The following SOAT1 variants were observed in gnomAD, a reference collection of about 807,000 sequenced individuals.
The protein encoded by SOAT1 is sterol O-acyltransferase 1, also known as acyl-coenzyme A:cholesterol acyltransferase 1.
SOAT1 carries 55 observed loss-of-function variants against 69.5 expected under a neutral mutation model. The ratio of observed to expected loss-of-function variants is 0.79; its 90% confidence interval spans 0.64 to 0.99. The LOEUF (loss-of-function observed/expected upper bound fraction) is 0.99, where lower values mean the gene tolerates loss of function less well. SOAT1 is among the 50% of genes least tolerant of loss of function. The pLI is 0.00. For missense variants in SOAT1, 580 were observed against 669.3 expected (o/e 0.87, Z 1.47); for synonymous variants, 231 against 224.7 (o/e 1.03, Z -0.25).
intron 1 of SOAT1, among the ~76,000 whole-genome samples, chr1:179,299,279 G>T (rs926031130): frequency 6.6e-6 from 1 of 152,198 alleles, no homozygotes; most frequent in African/African-American, 2.4e-5. Flanking sequence ...TTTGGGACAA[G>T]TTAAATCACT....
intron 2 of SOAT1, among the ~76,000 whole-genome samples, chr1:179,323,045 C>CTTTTTTTTT (rs36045111): frequency 1.6e-5 from 2 of 126,738 alleles, no homozygotes; most frequent in African/African-American, 3.0e-5. Context: ...TCTTTTCTTT[C>CTTTTTTTTT]TTTTTTTTTT....
chr1:179,315,843 A>G (rs1221477009), intron 2 of SOAT1, among the ~76,000 whole-genome samples: 1 of 152,240 alleles, frequency 6.6e-6, no homozygotes, highest in Non-Finnish European at 1.5e-5. Context: ...CTCCTCTCCC[A>G]TGGTAGCTGA....
chr1:179,339,374 A>C, intron 5 of SOAT1, 64 bp from the exon 6 acceptor site: 2 of 1,136,630 alleles, frequency 1.8e-6, no homozygotes, highest in South Asian at 1.5e-5. Flanking sequence ...TTAAGAAAAG[A>C]TTTTATGGTG....
intron 6 of SOAT1, 140 bp from the exon 7 acceptor site, chr1:179,340,888 T>G: frequency 1.5e-6 from 1 of 656,366 alleles, no homozygotes; most frequent in Non-Finnish European, 2.6e-6. Flanking sequence ...GCAGAACTAT[T>G]ACATCCATGA....
In SOAT1 at chr1:179,338,894, T is replaced by C. The variant is rs72717503; in HGVS notation, c.390-544T>C. 2.2e-3 allele frequency among the ~76,000 whole-genome samples: 330 copies of C among 152,226 alleles called. 1 individual carries two copies. Among genetic ancestry groups the C allele is most frequent in the Admixed American group, 3.9e-3 (60 of 15,300 alleles). Reference sequence around the variant, plus strand: ...TCATTTAAAAGATTAGCATTATCTTTCCAAAAACAAGTTAAAACAAGTTTA... The same window carrying C: ...TCATTTAAAAGATTAGCATTATCTTCCCAAAAACAAGTTAAAACAAGTTTA... On this transcript the variant is annotated intron_variant, in intron 5 of 15. Transcript: ENST00000367619.
chr1:179,314,615 G>A (rs1429169145), intron 2 of SOAT1, among the ~76,000 whole-genome samples: 1 of 152,068 alleles, frequency 6.6e-6, no homozygotes, highest in East Asian at 1.9e-4. Context: ...AGAGAATGGG[G>A]GGGTCTCACT....
chr1:179,295,114 C>T (rs117205709), intron 1 of SOAT1, among the ~76,000 whole-genome samples: 1 of 152,254 alleles, frequency 6.6e-6, no homozygotes, highest in East Asian at 1.9e-4. Context: ...TCTGAGGTTT[C>T]GCAGTCTTTT....
chr1:179,329,115 T>C (rs953825153), intron 3 of SOAT1, among the ~76,000 whole-genome samples: 3 of 152,124 alleles, frequency 2.0e-5, no homozygotes, highest in African/African-American at 7.2e-5. Flanking sequence ...AATATTGTTT[T>C]TTCACATCAG....
At chr1:179,346,384 G>A (rs1666534335) in intron 11 of SOAT1, among the ~76,000 whole-genome samples, 1 of 152,192 alleles carries the variant, frequency 6.6e-6, no homozygotes, top group Non-Finnish European at 1.5e-5. Flanking sequence ...ATTGTAATAT[G>A]TACTACATAA....
chr1:179,348,759 GATGT>G (rs1343075980), intron 12 of SOAT1, 81 bp from the exon 13 acceptor site: 14 of 637,538 alleles, frequency 2.2e-5, no homozygotes, highest in African/African-American at 6.7e-5. Flanking sequence ...TTTCGGGTGG[GATGT>G]GTGTGTGTGT....
intron 4 of SOAT1, among the ~76,000 whole-genome samples, chr1:179,337,248 G>A (rs1006194738): frequency 2.0e-5 from 3 of 152,126 alleles, no homozygotes; most frequent in African/African-American, 7.2e-5. Flanking sequence ...GTAGTAGTAC[G>A]AAAAGCCCTA....
At chr1:179,305,947 G>A (rs1664987579) in intron 2 of SOAT1, among the ~76,000 whole-genome samples, 1 of 152,200 alleles carries the variant, frequency 6.6e-6, no homozygotes, top group Non-Finnish European at 1.5e-5. Context: ...GACCGATGGG[G>A]TTGGGGGAGC....
chr1:179,345,127 A>G, intron 11 of SOAT1, 51 bp downstream of exon 11: 2 of 1,598,156 alleles, frequency 1.3e-6, no homozygotes, highest in Non-Finnish European at 1.7e-6. Context: ...CGAGGTAAAT[A>G]GAAAGCTATT....
Position 179,337,913 on chromosome 1 carries a change from G to A in SOAT1, c.389+17G>A, listed in dbSNP as rs1223893796. The A allele has an allele frequency of 1.3e-6, 2 of 1,556,216 alleles. No homozygotes were observed. Among genetic ancestry groups the A allele is most frequent in the Non-Finnish European group, 1.7e-6 (2 of 1,143,178 alleles). ...TCTCTTAGAGTGAGTATTTTTAGTT[G>A]TTTTTAAATATGTTTGATTTTTAAA... On this transcript the variant is annotated intron_variant, in intron 5 of 15. Coordinates refer to ENST00000367619, the MANE Select transcript of SOAT1 (RefSeq NM_003101.6).
chr1:179,353,444 G>A, intron 15 of SOAT1, 141 bp from the exon 16 acceptor site: 5 of 743,906 alleles, frequency 6.7e-6, no homozygotes, highest in East Asian at 2.5e-5. Flanking sequence ...TTAGTGAGCT[G>A]CTTATACCTT....
At chr1:179,326,895 A>C (rs973874878) in intron 3 of SOAT1, among the ~76,000 whole-genome samples, 2 of 152,152 alleles carry the variant, frequency 1.3e-5, no homozygotes, top group Admixed American at 6.5e-5. Context: ...TAGTAGGACT[A>C]CTGTTCTGAT....
intron 3 of SOAT1, among the ~76,000 whole-genome samples, chr1:179,327,627 C>G (rs375287038): frequency 6.6e-6 from 1 of 152,102 alleles, no homozygotes; most frequent in Non-Finnish European, 1.5e-5. Context: ...CAGACTAAAA[C>G]GTTATTTATC....
At position 179,351,021 on chromosome 1, in the gene SOAT1, C is replaced by CTTTTTTTTTTTTTT. The variant is rs201449849; in HGVS notation, c.1451-270_1451-257dup. Among the ~76,000 whole-genome samples the CTTTTTTTTTTTTTT allele has an allele frequency of 7.4e-4, 94 of 127,518 alleles. 2 individuals are homozygous for CTTTTTTTTTTTTTT. The highest frequency in any genetic ancestry group is 8.4e-3 in the Middle Eastern group (2 of 238). The allele number at this position is 127,518 out of a possible 152,430, so 83.7% of individuals were successfully genotyped here. On this transcript the variant is annotated intron_variant, in intron 14 of 15. Transcript: ENST00000367619. ...TGTTTTGATACCTGTATATTTCTTT[C>CTTTTTTTTTTTTTT]TTTTTTTTTTTTTTTTTTTTTTTTT...
intron 1 of SOAT1, among the ~76,000 whole-genome samples, chr1:179,300,880 G>C (rs895398391): frequency 2.6e-5 from 4 of 152,060 alleles, no homozygotes; most frequent in Non-Finnish European, 5.9e-5. Context: ...CGGATAACTT[G>C]AGGTCAGAAG....
Sources: gnomAD v4.1 joint callset for allele counts (sites outside exome capture counted in the v4.1 genomes callset) on GRCh38, gnomAD v4.1.1 for gene constraint, MANE v1.5 for transcripts, NCBI Gene and HGNC (gene_info 2026-07-23, HGNC 2026-07-21) for gene names.